Variants in TMEM132B observed in about 807,000 individuals in gnomAD.
TMEM132B encodes the protein transmembrane protein 132B.
Under a neutral mutation model 90.8 loss-of-function variants are expected in TMEM132B, and 18 were observed. The ratio of observed to expected loss-of-function variants is 0.20; its 90% CI spans 0.14 to 0.29. TMEM132B has a LOEUF of 0.29. TMEM132B is among the 10% of genes least tolerant of loss of function. TMEM132B has a pLI of 1.00. For synonymous variants in TMEM132B, 504 were observed against 523.3 expected (o/e 0.96, Z 0.50); for missense variants, 1,096 against 1,326.8 (o/e 0.83, Z 2.70).
intron 8 of TMEM132B, among the ~76,000 whole-genome samples, chr12:125,652,846 C>G (rs1886962095): frequency 6.6e-6 from 1 of 152,242 alleles, no homozygotes; most frequent in South Asian, 2.1e-4. Flanking sequence ...TGACCACATC[C>G]TTATACGCCA....
chr12:125,428,254 A>G (rs1035596522), intron 3 of TMEM132B, among the ~76,000 whole-genome samples: 15 of 152,078 alleles, frequency 9.9e-5, no homozygotes, highest in Non-Finnish European at 1.3e-4. Context: ...TCAGCCTCCC[A>G]AAGTACTAGG....
intron 4 of TMEM132B, among the ~76,000 whole-genome samples, chr12:125,578,393 A>G (rs1439263077): frequency 6.6e-6 from 1 of 152,192 alleles, no homozygotes; most frequent in African/African-American, 2.4e-5. Context: ...ATCTTTCTGC[A>G]AGATGTGTGT....
intron 4 of TMEM132B, among the ~76,000 whole-genome samples, chr12:125,546,205 CAG>C (rs1374066806): frequency 2.0e-5 from 3 of 151,192 alleles, no homozygotes; most frequent in Admixed American, 6.6e-5. Context: ...TTTTTTGAGA[CAG>C]AGTCTTGCTC....
intron 5 of TMEM132B, among the ~76,000 whole-genome samples, chr12:125,598,328 A>G (rs939351664): frequency 1.3e-5 from 2 of 152,212 alleles, no homozygotes; most frequent in African/African-American, 4.8e-5. Context: ...ACACGTGTTC[A>G]TTGAACATGG....
chr12:125,516,883 T>TC (rs1883174847), intron 3 of TMEM132B, among the ~76,000 whole-genome samples: 2 of 152,178 alleles, frequency 1.3e-5, no homozygotes, highest in African/African-American at 4.8e-5. Context: ...CAAGCATCTC[T>TC]CGTAGGAGGT....
chr12:125,643,947 T>G, intron 5 of TMEM132B, 129 bp from the exon 6 acceptor site: 1 of 757,924 alleles, frequency 1.3e-6, no homozygotes, highest in Non-Finnish European at 2.2e-6. Flanking sequence ...TTTGTACAAG[T>G]TCTGTTCATT....
chr12:125,565,383 T>C (rs1358878951), intron 4 of TMEM132B, among the ~76,000 whole-genome samples: 2 of 152,202 alleles, frequency 1.3e-5, no homozygotes, highest in Admixed American at 6.5e-5. Flanking sequence ...CACAGCAGCA[T>C]CCAGGGGTGG....
Position 125,415,456 on chromosome 12 carries a change from G to T in TMEM132B, c.960-75G>T. 1.3e-6 allele frequency: 2 copies of T among 1,552,736 alleles called. No homozygotes were observed. The highest frequency in any genetic ancestry group is 1.8e-6 in the Non-Finnish European group (2 of 1,142,738). ...GATGCTTTCCCAGTGATCTGCTCTCGTGCCATCTTTTACTACCTGTTTCAA... is the reference window on the plus strand; with the variant it reads ...GATGCTTTCCCAGTGATCTGCTCTCTTGCCATCTTTTACTACCTGTTTCAA... On this transcript the variant is annotated intron_variant, in intron 2 of 8. Coordinates refer to ENST00000682704, the MANE Select transcript of TMEM132B (RefSeq NM_001366854.1). The surrounding 1 kb of genome is among the most constrained non-coding windows in gnomAD (Gnocchi z 5.3).
Position 125,246,123 on chromosome 12 carries a change from T to C in TMEM132B, c.67+59257T>C, listed in dbSNP as rs1874202181. On this transcript the variant is annotated intron_variant, in intron 1 of 8. Coordinates refer to ENST00000682704, the MANE Select transcript of TMEM132B (RefSeq NM_001366854.1). The surrounding 1 kb of genome is among the most constrained non-coding windows in gnomAD (Gnocchi z 4.2). ...GCAGTGACTGGCGCTGCCTCTCCAG[T>C]GATCCAGTGATCCTGCTGGCTTTCC... 6.6e-6 allele frequency among the ~76,000 whole-genome samples: 1 copy of C among 152,238 alleles called. No individual in the cohort carries two copies. Among genetic ancestry groups the C allele is most frequent in the African/African-American group, 2.4e-5 (1 of 41,460 alleles).
intron 5 of TMEM132B, among the ~76,000 whole-genome samples, chr12:125,625,706 A>T (rs1277203042): frequency 2.0e-5 from 3 of 152,242 alleles, no homozygotes. Flanking sequence ...CTGAATGTTT[A>T]ACTTTATAAT....
intron 7 of TMEM132B, 82 bp from the exon 8 acceptor site, chr12:125,652,359 C>T: frequency 7.4e-7 from 1 of 1,356,726 alleles, no homozygotes; most frequent in Non-Finnish European, 9.9e-7. Flanking sequence ...GCTGGGAGAG[C>T]ACTTTGTTGG....
rs942954795 is a variant in TMEM132B at position 125,445,061 on chromosome 12, C to T, written c.1106+29384C>T. ...AGTATATGAACTGCTCAACTCATCT[C>T]ATCCTCAGAGTATGGGTCTAAGGAC... is the stretch of plus-strand genomic sequence containing the variant. On this transcript the variant is annotated intron_variant, in intron 3 of 8. Coordinates refer to ENST00000682704, the MANE Select transcript of TMEM132B (RefSeq NM_001366854.1). The surrounding 1 kb of genome is among the most constrained non-coding windows in gnomAD (Gnocchi z 4.3). 5.3e-5 allele frequency among the ~76,000 whole-genome samples: 8 copies of T among 152,192 alleles called. No individual in the cohort carries two copies. The highest frequency in any genetic ancestry group is 2.0e-4 in the Admixed American group (3 of 15,290).
chr12:125,559,866 C>A lies in TMEM132B; in HGVS notation c.1294-23985C>A, dbSNP rs532250487. 9.9e-5 allele frequency among the ~76,000 whole-genome samples: 15 copies of A among 152,260 alleles called. No homozygotes were observed. In the East Asian group the frequency reaches 2.9e-3, roughly 29 times the overall value. ...TAAATGAGGCGGTGGCTGAATTCAG[C>A]CTGTCCTTGTTCCGAGTCCACCTGG... On this transcript the variant is annotated intron_variant, in intron 4 of 8. Transcript: ENST00000682704.
chr12:125,557,138 G>T (rs775409720), intron 4 of TMEM132B, among the ~76,000 whole-genome samples: 4 of 152,014 alleles, frequency 2.6e-5, no homozygotes, highest in African/African-American at 4.8e-5. Flanking sequence ...ATCTTTATAT[G>T]CATGCTAATG....
At chr12:125,197,927 T>A (rs1203535755) in intron 1 of TMEM132B, among the ~76,000 whole-genome samples, 2 of 152,226 alleles carry the variant, frequency 1.3e-5, no homozygotes, top group African/African-American at 4.8e-5. Context: ...ATGTAACATT[T>A]AAAAAATAGT....
chr12:125,256,853 T>C (rs1874449743), intron 1 of TMEM132B, among the ~76,000 whole-genome samples: 1 of 152,182 alleles, frequency 6.6e-6, no homozygotes, highest in Non-Finnish European at 1.5e-5. Context: ...CTGGGTAACT[T>C]TTCTGTTCAT....
At chr12:125,308,852 T>C (rs1270468093) in intron 1 of TMEM132B, among the ~76,000 whole-genome samples, 1 of 152,130 alleles carries the variant, frequency 6.6e-6, no homozygotes, top group Non-Finnish European at 1.5e-5. Flanking sequence ...CAGAGGCAAA[T>C]ATGATCATGA....
At chr12:125,344,904 G>A (rs1310981830) in intron 1 of TMEM132B, among the ~76,000 whole-genome samples, 1 of 152,174 alleles carries the variant, frequency 6.6e-6, no homozygotes, top group Non-Finnish European at 1.5e-5. Context: ...CAGCATGGAA[G>A]ATTTTCTAGT....
At chr12:125,363,655 G>A (rs987796197) in intron 2 of TMEM132B, among the ~76,000 whole-genome samples, 2 of 152,100 alleles carry the variant, frequency 1.3e-5, no homozygotes, top group East Asian at 1.9e-4. Flanking sequence ...TTATCCATCC[G>A]TCTTATGTAC....
Sources: allele counts gnomAD v4.1 joint callset (sites outside exome capture counted in the v4.1 genomes callset), GRCh38; gene constraint gnomAD v4.1.1; non-coding constraint Gnocchi (gnomAD v3.1); transcripts MANE v1.5; gene names NCBI Gene and HGNC (gene_info 2026-07-23, HGNC 2026-07-21).